Variants in KIAA1217 observed in about 807,000 individuals in gnomAD.
KIAA1217 encodes the protein sickle tail protein homolog.
In KIAA1217, 88 loss-of-function variants were observed where a neutral mutation model predicts 163.9. That is an observed-to-expected ratio of 0.54 (90% CI 0.45 to 0.64). KIAA1217 has a LOEUF of 0.64. Ranked by LOEUF, KIAA1217 falls within the 30% of genes least tolerant of loss-of-function variation. The probability of loss-of-function intolerance (pLI) is 0.00; values close to 1 mark genes in which losing one functional copy is unlikely to be tolerated. For missense variants in KIAA1217, 2,372 were observed against 2,475.0 expected, an observed-to-expected ratio of 0.96 and a Z score of 0.88; for synonymous variants, 903 against 923.1, an observed-to-expected ratio of 0.98 and a Z score of 0.39.
At chr10:23,876,131 C>T (rs938214835) in intron 1 of KIAA1217, among the ~76,000 whole-genome samples, 5 of 151,380 alleles carry the variant, frequency 3.3e-5, no homozygotes, top group South Asian at 2.1e-4. Context: ...ACATATACAC[C>T]GTGGAATGCT....
intron 2 of KIAA1217, among the ~76,000 whole-genome samples, chr10:24,330,911 G>T (rs2045586011): frequency 6.6e-6 from 1 of 151,900 alleles, no homozygotes; most frequent in South Asian, 2.1e-4. Flanking sequence ...ACTGTGCCCA[G>T]CCAGGACATT....
intron 1 of KIAA1217, among the ~76,000 whole-genome samples, chr10:23,845,371 T>A (rs1838975624): frequency 6.6e-6 from 1 of 152,238 alleles, no homozygotes; most frequent in Non-Finnish European, 1.5e-5. Context: ...AAAGCATTCC[T>A]ATTTCTCCAC....
At chr10:24,113,032 T>A (rs1455091543) in intron 2 of KIAA1217, among the ~76,000 whole-genome samples, 2 of 152,036 alleles carry the variant, frequency 1.3e-5, no homozygotes, top group African/African-American at 4.8e-5. Flanking sequence ...AGATTCTCTC[T>A]CCAGCCTCCA....
At chr10:23,794,000 G>A (rs1319569131) in intron 1 of KIAA1217, among the ~76,000 whole-genome samples, 1 of 152,216 alleles carries the variant, frequency 6.6e-6, no homozygotes, top group Non-Finnish European at 1.5e-5. Context: ...TGCTTGTTAA[G>A]AGGAAACTAT....
At chr10:23,976,453 A>G (rs542332622) in intron 1 of KIAA1217, among the ~76,000 whole-genome samples, 19 of 152,332 alleles carry the variant, frequency 1.2e-4, no homozygotes, top group Admixed American at 4.6e-4. Context: ...CCACAGGCAC[A>G]TCTTCTATTT....
At chr10:24,073,631 A>T (rs1206951554) in intron 2 of KIAA1217, among the ~76,000 whole-genome samples, 1 of 152,202 alleles carries the variant, frequency 6.6e-6, no homozygotes, top group Non-Finnish European at 1.5e-5. Context: ...GCACTGGAGC[A>T]ACTTATGATA....
intron 9 of KIAA1217, among the ~76,000 whole-genome samples, 184 bp downstream of exon 9, chr10:24,501,729 CTTTTTTTTTTTTTTTTTTTTTTTT>C (rs71397953): frequency 3.9e-5 from 2 of 51,472 alleles, no homozygotes; most frequent in African/African-American, 7.8e-5. Flanking sequence ...ATAACCACTT[CTTTTTTTTTTTTTTTTTTTTTTTT>C]TTTTTTTTTT....
intron 5 of KIAA1217, among the ~76,000 whole-genome samples, chr10:24,458,369 G>A (rs2062020119): frequency 6.6e-6 from 1 of 151,852 alleles, no homozygotes. Flanking sequence ...GATTTTTTTT[G>A]CTCCCCACAT....
chr10:23,972,266 A>G (rs1188182731), intron 1 of KIAA1217, among the ~76,000 whole-genome samples: 1 of 152,276 alleles, frequency 6.6e-6, no homozygotes, highest in Non-Finnish European at 1.5e-5. Context: ...TACTGGGTAT[A>G]TACGCAAAGA....
At chr10:23,823,596 T>C (rs1053536986) in intron 1 of KIAA1217, among the ~76,000 whole-genome samples, 1 of 152,112 alleles carries the variant, frequency 6.6e-6, no homozygotes, top group Non-Finnish European at 1.5e-5. Flanking sequence ...AACATATTCA[T>C]AGGTTCCAGG....
At chr10:24,000,525 G>C (rs1846690894) in intron 1 of KIAA1217, among the ~76,000 whole-genome samples, 1 of 152,168 alleles carries the variant, frequency 6.6e-6, no homozygotes, top group South Asian at 2.1e-4. Context: ...AAATTACCCA[G>C]TCTCTCGTAT....
At chr10:23,875,547 A>G (rs1273111807) in intron 1 of KIAA1217, among the ~76,000 whole-genome samples, 2 of 151,832 alleles carry the variant, frequency 1.3e-5, no homozygotes, top group African/African-American at 4.8e-5. Flanking sequence ...ATGAGGCTTT[A>G]TAAGGATGTA....
At chr10:23,912,205 A>G (rs1842462215) in intron 1 of KIAA1217, among the ~76,000 whole-genome samples, 1 of 152,158 alleles carries the variant, frequency 6.6e-6, no homozygotes, top group Non-Finnish European at 1.5e-5. Flanking sequence ...TAGGCCTCCA[A>G]TTCTTAGCCT....
At chr10:24,511,178 C>G (rs1254300677) in intron 9 of KIAA1217, among the ~76,000 whole-genome samples, 4 of 52,270 alleles carry the variant, frequency 7.7e-5, no homozygotes, top group Admixed American at 1.7e-4. Context: ...AAAAAAGGAG[C>G]CTGGCCCCTA....
chr10:23,830,582 G>A (rs1385064834), intron 1 of KIAA1217, among the ~76,000 whole-genome samples: 2 of 151,760 alleles, frequency 1.3e-5, no homozygotes, highest in East Asian at 3.9e-4. Flanking sequence ...GCAGGTATGT[G>A]TGGCATGAAA....
chr10:23,955,830 C>A (rs1052669145), intron 1 of KIAA1217, among the ~76,000 whole-genome samples: 1 of 152,130 alleles, frequency 6.6e-6, no homozygotes, highest in Non-Finnish European at 1.5e-5. Flanking sequence ...TTCCTCATTC[C>A]CTTTCGGTTC....
intron 2 of KIAA1217, among the ~76,000 whole-genome samples, chr10:24,174,773 A>T (rs1051974100): frequency 6.6e-6 from 1 of 152,138 alleles, no homozygotes; most frequent in Non-Finnish European, 1.5e-5. Flanking sequence ...GGTTACATGA[A>T]TAAGTTCTTT....
chr10:23,713,274 T>C (rs774707493), intron 1 of KIAA1217, among the ~76,000 whole-genome samples: 9 of 152,152 alleles, frequency 5.9e-5, no homozygotes, highest in Non-Finnish European at 1.3e-4. Context: ...TGCTGCTAAC[T>C]ATCATACTGA....
intron 1 of KIAA1217, among the ~76,000 whole-genome samples, chr10:23,894,838 A>T (rs1029579875): frequency 4.0e-5 from 6 of 151,666 alleles, no homozygotes; most frequent in Non-Finnish European, 5.9e-5. Flanking sequence ...ATAACACCAC[A>T]TATCTACAAC....
Sources: allele counts gnomAD v4.1 joint callset (sites outside exome capture counted in the v4.1 genomes callset), GRCh38; gene constraint gnomAD v4.1.1; transcripts MANE v1.5; gene names NCBI Gene and HGNC (gene_info 2026-07-23, HGNC 2026-07-21).